Variants in PTPRT observed in about 807,000 individuals in gnomAD.
PTPRT encodes the protein receptor-type tyrosine-protein phosphatase T.
PTPRT carries 56 observed loss-of-function variants against 176.8 expected under a neutral mutation model. The ratio of observed to expected loss-of-function variants is 0.32; its 90% CI spans 0.26 to 0.40. PTPRT has a LOEUF of 0.40. PTPRT is among the 10% of genes least tolerant of loss of function. The pLI, the probability that PTPRT is intolerant of heterozygous loss-of-function variation, is 1.00. For synonymous variants in PTPRT, 783 were observed against 739.0 expected (o/e 1.06, Z -0.96); for missense variants, 1,540 against 1,908.2 (o/e 0.81, Z 3.60).
intron 1 of PTPRT, among the ~76,000 whole-genome samples, chr20:42,903,240 C>T (rs1373539942): frequency 1.3e-5 from 2 of 152,170 alleles, no homozygotes; most frequent in Non-Finnish European, 2.9e-5. Context: ...TAATCATCAC[C>T]ATTTTAAAGA....
In PTPRT at chr20:42,743,500, T is replaced by C. The variant is rs534594293; in HGVS notation, c.859+12962A>G. On this transcript the variant is annotated intron_variant, in intron 6 of 30. Transcript: ENST00000373187. The stretch of plus-strand genomic sequence containing the variant: ...GAGCTGCATCGTTTGTTTTTTATAC[T>C]ATTTTAGAAAGGAATTCCATTGTTT... 2.0e-5 allele frequency among the ~76,000 whole-genome samples: 3 copies of C among 152,374 alleles called. No individual in the cohort carries two copies. The South Asian group carries it at 6.2e-4, about 32-fold the overall frequency.
intron 22 of PTPRT, among the ~76,000 whole-genome samples, chr20:42,114,811 T>C (rs187781221): frequency 4.2e-4 from 64 of 152,308 alleles, no homozygotes; most frequent in Admixed American, 1.9e-3. Flanking sequence ...GTTTTTTCCT[T>C]CTGCCTGGGA....
intron 22 of PTPRT, among the ~76,000 whole-genome samples, chr20:42,114,437 A>C (rs1477390169): frequency 6.6e-6 from 1 of 152,232 alleles, no homozygotes; most frequent in Non-Finnish European, 1.5e-5. Flanking sequence ...ATAGAATAGC[A>C]ATTATTATGT....
chr20:42,732,488 C>T (rs1453391397), intron 6 of PTPRT, among the ~76,000 whole-genome samples: 2 of 152,160 alleles, frequency 1.3e-5, no homozygotes, highest in South Asian at 4.1e-4. Flanking sequence ...AAGGAATGTT[C>T]ATTTCTGCTT....
chr20:42,598,030 C>T (rs1020808196), intron 7 of PTPRT, among the ~76,000 whole-genome samples: 9 of 152,052 alleles, frequency 5.9e-5, no homozygotes, highest in Admixed American at 2.0e-4. Context: ...CATCATTCTG[C>T]TATTTGAAAT....
chr20:42,179,489 CT>C, intron 16 of PTPRT, among the ~76,000 whole-genome samples: 1 of 152,156 alleles, frequency 6.6e-6, no homozygotes, highest in Non-Finnish European at 1.5e-5. Flanking sequence ...AATCCATTCC[CT>C]AAGACAATGA....
At chr20:43,003,947 C>T (rs1158336465) in intron 1 of PTPRT, among the ~76,000 whole-genome samples, 1 of 152,030 alleles carries the variant, frequency 6.6e-6, no homozygotes, top group Non-Finnish European at 1.5e-5. Context: ...TACCATTCAA[C>T]AAAGAAGTGG....
At chr20:43,069,634 G>C (rs945705644) in intron 1 of PTPRT, among the ~76,000 whole-genome samples, 1 of 152,170 alleles carries the variant, frequency 6.6e-6, no homozygotes, top group Non-Finnish European at 1.5e-5. Context: ...TGCTGGGGAG[G>C]GGGGCGTTGC....
At chr20:42,242,497 T>C (rs2056374061) in intron 14 of PTPRT, among the ~76,000 whole-genome samples, 1 of 152,150 alleles carries the variant, frequency 6.6e-6, no homozygotes, top group African/African-American at 2.4e-5. Context: ...GGGATCTAGA[T>C]GGTGAAGAGA....
the PTPRT span, among the ~76,000 whole-genome samples, chr20:42,042,280 A>G: frequency 6.6e-6 from 1 of 152,106 alleles, no homozygotes; most frequent in Non-Finnish European, 1.5e-5. Flanking sequence ...AGCATTAGTG[A>G]GCAATAGAGA....
At chr20:42,304,518 A>G (rs2057515895) in intron 12 of PTPRT, among the ~76,000 whole-genome samples, 2 of 152,148 alleles carry the variant, frequency 1.3e-5, no homozygotes, top group Admixed American at 6.6e-5. Flanking sequence ...AGAAGAAGAG[A>G]CTCAGAGAGC....
intron 16 of PTPRT, among the ~76,000 whole-genome samples, chr20:42,175,463 C>A (rs185006121): frequency 6.6e-6 from 1 of 152,234 alleles, no homozygotes; most frequent in East Asian, 1.9e-4. Flanking sequence ...AAGTCAATTC[C>A]TCCTCTAGAA....
intron 1 of PTPRT, among the ~76,000 whole-genome samples, chr20:42,928,424 A>G (rs897302555): frequency 1.3e-5 from 2 of 152,196 alleles, no homozygotes; most frequent in African/African-American, 4.8e-5. Context: ...GAGCTGTGGG[A>G]TGGACAAACA....
intron 7 of PTPRT, among the ~76,000 whole-genome samples, chr20:42,651,234 G>A (rs762224665): frequency 2.0e-5 from 3 of 152,022 alleles, no homozygotes; most frequent in Admixed American, 6.5e-5. Flanking sequence ...ATGTGACAAC[G>A]GACATATATT....
intron 5 of PTPRT, among the ~76,000 whole-genome samples, chr20:42,764,069 T>G (rs1030138136): frequency 6.6e-6 from 1 of 152,210 alleles, no homozygotes; most frequent in South Asian, 2.1e-4. Flanking sequence ...AGCCTCCAAA[T>G]AAGGTAAAAT....
chr20:42,717,239 G>A (rs1252975531), intron 6 of PTPRT, among the ~76,000 whole-genome samples: 1 of 151,122 alleles, frequency 6.6e-6, no homozygotes, highest in Non-Finnish European at 1.5e-5. Context: ...GGTCTTACAT[G>A]GATTTCAAGA....
At chr20:43,019,346 C>A (rs1462047141) in intron 1 of PTPRT, among the ~76,000 whole-genome samples, 1 of 152,108 alleles carries the variant, frequency 6.6e-6, no homozygotes, top group African/African-American at 2.4e-5. Context: ...TGTGGCCGGG[C>A]ACAGTGGCTC....
rs192130076 is a variant in PTPRT at position 42,800,837 on chromosome 20, A to G, written c.215-9371T>C. Reference sequence around the variant, plus strand: ...CACATTACTAAATTGGGTCATCGCTATTATTGCCAAGCTTTAAAATGCCAG... The same window carrying G: ...CACATTACTAAATTGGGTCATCGCTGTTATTGCCAAGCTTTAAAATGCCAG... On this transcript the variant is annotated intron_variant, in intron 2 of 30. Transcript: ENST00000373187. Among the ~76,000 whole-genome samples, 8 of 152,282 alleles carry G rather than the reference A, an allele frequency of 5.3e-5. No individual in the cohort carries two copies. The South Asian group carries it at 1.7e-3, about 32-fold the overall frequency.
intron 1 of PTPRT, among the ~76,000 whole-genome samples, chr20:43,145,277 T>C (rs1213656257): frequency 2.0e-5 from 3 of 152,232 alleles, no homozygotes; most frequent in Non-Finnish European, 4.4e-5. Context: ...ATTTATTGAC[T>C]AGAATAAAGT....
Sources: allele counts gnomAD v4.1 joint callset (sites outside exome capture counted in the v4.1 genomes callset), GRCh38; gene constraint gnomAD v4.1.1; transcripts MANE v1.5; gene names NCBI Gene and HGNC (gene_info 2026-07-23, HGNC 2026-07-21).